Variants in ZNF362 observed in about 807,000 individuals in gnomAD.
The protein encoded by ZNF362 is rotund homolog.
ZNF362 carries 11 observed loss-of-function variants against 42.9 expected under a neutral mutation model. The ratio of observed to expected loss-of-function variants is 0.26; its 90% CI spans 0.16 to 0.42. The LOEUF (loss-of-function observed/expected upper bound fraction) is 0.42. Among genes scored for constraint, ZNF362 ranks in the 20% least tolerant of loss-of-function variants. The pLI, the probability that ZNF362 is intolerant of heterozygous loss-of-function variation, is 1.00. For synonymous variants in ZNF362, 255 were observed against 257.3 expected, an observed-to-expected ratio of 0.99 and a Z score of 0.09; for missense variants, 362 against 576.2, an observed-to-expected ratio of 0.63 and a Z score of 3.81.
At chr1:33,250,358 G>A in the ZNF362 span, among the ~76,000 whole-genome samples, 2 of 152,152 alleles carry the variant, frequency 1.3e-5, no homozygotes, top group Non-Finnish European at 1.5e-5. Context: ...AATGATAGAC[G>A]GGATAATGAA....
At chr1:33,180,955 A>AC in the ZNF362 span, 4 of 386,028 alleles carry the variant, frequency 1.0e-5, no homozygotes, top group Middle Eastern at 8.2e-4. Context: ...TCCAGCCCTG[A>AC]CCCCACCCCC....
chr1:33,212,555 C>G, the ZNF362 span, among the ~76,000 whole-genome samples: 191 of 152,206 alleles, frequency 1.3e-3, no homozygotes, highest in African/African-American at 4.6e-3. Flanking sequence ...CGCTAGGCAT[C>G]TGCTTGGCTT....
the ZNF362 span, among the ~76,000 whole-genome samples, chr1:33,139,731 A>G: frequency 6.6e-6 from 1 of 152,208 alleles, no homozygotes; most frequent in Non-Finnish European, 1.5e-5. Context: ...GTGCGTGGCC[A>G]TTAGCCTGTA....
chr1:33,208,167 C>G, the ZNF362 span, among the ~76,000 whole-genome samples: 6 of 152,108 alleles, frequency 3.9e-5, no homozygotes, highest in African/African-American at 7.2e-5. Flanking sequence ...GCCAGTTTTC[C>G]CAGCACCATT....
At chr1:33,215,549 C>T in the ZNF362 span, among the ~76,000 whole-genome samples, 3 of 152,042 alleles carry the variant, frequency 2.0e-5, no homozygotes, top group Non-Finnish European at 2.9e-5. Flanking sequence ...GATAAATGCT[C>T]GAGGCAATGG....
chr1:33,255,376 G>A (rs1447993443), upstream of ZNF362, among the ~76,000 whole-genome samples: 2 of 152,216 alleles, frequency 1.3e-5, no homozygotes, highest in African/African-American at 2.4e-5. Flanking sequence ...CCTTCCCGGG[G>A]GACTGTGCGC....
the ZNF362 span, among the ~76,000 whole-genome samples, chr1:33,238,377 AAAAT>A: frequency 6.1e-5 from 7 of 113,982 alleles, no homozygotes; most frequent in East Asian, 4.9e-4. Flanking sequence ...AAAATAAAAT[AAAAT>A]AAATAAAATA....
chr1:33,186,667 G>A, the ZNF362 span, among the ~76,000 whole-genome samples: 13 of 145,192 alleles, frequency 9.0e-5, no homozygotes, highest in South Asian at 1.2e-3. Context: ...TTAGCTGGGC[G>A]TGGTGGCGGG....
chr1:33,275,281 G>T (rs1050133948), intron 2 of ZNF362: 1 of 985,292 alleles, frequency 1.0e-6, no homozygotes, highest in African/African-American at 1.7e-5. Context: ...ATACTGCCCT[G>T]GTTGAAAAGG....
At chr1:33,204,652 T>A in the ZNF362 span, among the ~76,000 whole-genome samples, 2 of 152,196 alleles carry the variant, frequency 1.3e-5, no homozygotes, top group African/African-American at 2.4e-5. Flanking sequence ...TCAAATGGCA[T>A]TTATGAAAAA....
chr1:33,137,501 G>A, the ZNF362 span, among the ~76,000 whole-genome samples: 6 of 152,134 alleles, frequency 3.9e-5, no homozygotes, highest in Non-Finnish European at 5.9e-5. Flanking sequence ...TGAAAACATG[G>A]ATTCCAGTTG....
chr1:33,129,082 G>A, the ZNF362 span, among the ~76,000 whole-genome samples: 3 of 152,164 alleles, frequency 2.0e-5, no homozygotes, highest in African/African-American at 7.2e-5. The surrounding 1 kb of genome is among the most constrained non-coding windows in gnomAD (Gnocchi z 4.1). Flanking sequence ...CAGGGCACTG[G>A]CGTGTACAAG....
chr1:33,181,322 C>T, the ZNF362 span: 2 of 1,571,608 alleles, frequency 1.3e-6, no homozygotes, highest in Non-Finnish European at 1.7e-6. This position sits in a 1 kb window ranked among gnomAD's most constrained non-coding sequence, Gnocchi z 6.5. Context: ...GCACCCAGTG[C>T]TCCGTGATGC....
Position 33,273,517 on chromosome 1 carries a change from G to A in ZNF362, c.39-2583G>A, listed in dbSNP as rs377117254. 3.3e-5 allele frequency among the ~76,000 whole-genome samples: 5 copies of A among 152,304 alleles called. No homozygotes were observed. In the East Asian group the frequency reaches 7.7e-4, roughly 24 times the overall value. On this transcript the variant is annotated intron_variant, in intron 2 of 8. Coordinates refer to ENST00000539719, the MANE Select transcript of ZNF362 (RefSeq NM_152493.3). ...ACTGAACTGAAGAGGAGGAAAAGACGGATCTCCCAGAACTGTCTGAGAAGC... is the reference window on the plus strand; with the variant it reads ...ACTGAACTGAAGAGGAGGAAAAGACAGATCTCCCAGAACTGTCTGAGAAGC...
the ZNF362 span, among the ~76,000 whole-genome samples, chr1:33,200,996 G>A: frequency 6.6e-6 from 1 of 152,116 alleles, no homozygotes; most frequent in Non-Finnish European, 1.5e-5. Flanking sequence ...AAGGAGAGAG[G>A]CCTCAGAAGA....
chr1:33,258,596 C>T (rs1557785210), intron 1 of ZNF362, among the ~76,000 whole-genome samples: 1 of 152,148 alleles, frequency 6.6e-6, no homozygotes, highest in Non-Finnish European at 1.5e-5. Context: ...AGACTGAGAC[C>T]GGGACCTGGG....
chr1:33,177,537 G>C, the ZNF362 span, among the ~76,000 whole-genome samples: 1 of 152,334 alleles, frequency 6.6e-6, no homozygotes, highest in East Asian at 1.9e-4. This position sits in a 1 kb window ranked among gnomAD's most constrained non-coding sequence, Gnocchi z 4.1. Context: ...GCTTCACAGA[G>C]GAGGTGATAT....
chr1:33,194,066 AAAG>A, the ZNF362 span, among the ~76,000 whole-genome samples: 2 of 152,254 alleles, frequency 1.3e-5, no homozygotes, highest in African/African-American at 4.8e-5. Flanking sequence ...GCTTATGAAA[AAAG>A]AAGCAAATAG....
chr1:33,198,073 A>G, the ZNF362 span, among the ~76,000 whole-genome samples: 1 of 152,350 alleles, frequency 6.6e-6, no homozygotes, highest in East Asian at 1.9e-4. Flanking sequence ...TAACTTAACT[A>G]CATTAAGAAC....
Sources: gnomAD v4.1 joint callset for allele counts (sites outside exome capture counted in the v4.1 genomes callset) on GRCh38, gnomAD v4.1.1 for gene constraint, Gnocchi (gnomAD v3.1) non-coding constraint, MANE v1.5 for transcripts, NCBI Gene and HGNC (gene_info 2026-07-23, HGNC 2026-07-21) for gene names.